Variants in TRDN observed in about 807,000 individuals in gnomAD.
TRDN encodes triadin in skeletal muscle.
Under a neutral mutation model 149.7 loss-of-function variants are expected in TRDN, and 161 were observed. The ratio of observed to expected loss-of-function variants is 1.08; its 90% confidence interval spans 0.95 to 1.23. The LOEUF is 1.23. Among genes scored for constraint, TRDN ranks in the 50% most tolerant of loss-of-function variants. The probability of loss-of-function intolerance (pLI) is 0.00; values close to 1 mark genes in which losing one functional copy is unlikely to be tolerated. For missense variants in TRDN, 896 were observed against 823.5 expected (o/e 1.09, Z -1.08); for synonymous variants, 294 against 250.5 (o/e 1.17, Z -1.64).
At chr6:123,248,451 A>T (rs937841633) in intron 38 of TRDN, among the ~76,000 whole-genome samples, 5 of 151,904 alleles carry the variant, frequency 3.3e-5, no homozygotes, top group African/African-American at 9.7e-5. Flanking sequence ...CAGCTACTCC[A>T]GAGGCTGAGG....
intron 24 of TRDN, among the ~76,000 whole-genome samples, chr6:123,313,523 G>T (rs1350851742): frequency 6.6e-6 from 1 of 151,656 alleles, no homozygotes; most frequent in African/African-American, 2.4e-5. Context: ...CTTTCCATAG[G>T]GCTTCTGTAG....
At chr6:123,393,836 G>A (rs1772608913) in intron 12 of TRDN, among the ~76,000 whole-genome samples, 159 bp from the exon 13 acceptor site, 1 of 152,122 alleles carries the variant, frequency 6.6e-6, no homozygotes, top group Non-Finnish European at 1.5e-5. Flanking sequence ...AGGAATTGCT[G>A]AGAATGGAGC....
intron 1 of TRDN, among the ~76,000 whole-genome samples, chr6:123,575,636 TCAGA>T (rs1286468973): frequency 6.6e-6 from 1 of 152,070 alleles, no homozygotes; most frequent in Non-Finnish European, 1.5e-5. Flanking sequence ...ATTTTGATTG[TCAGA>T]CAGAATCAGC....
At chr6:123,573,726 A>C (rs934168418) in intron 1 of TRDN, among the ~76,000 whole-genome samples, 3 of 152,080 alleles carry the variant, frequency 2.0e-5, no homozygotes, top group African/African-American at 7.2e-5. Flanking sequence ...TAGCAAAATT[A>C]GAAAAGATGA....
chr6:123,589,144 T>C (rs1783660821), intron 1 of TRDN, among the ~76,000 whole-genome samples: 1 of 152,200 alleles, frequency 6.6e-6, no homozygotes, highest in Admixed American at 6.5e-5. Context: ...ATTCCAGGAT[T>C]TGCCCAACTT....
intron 12 of TRDN, among the ~76,000 whole-genome samples, chr6:123,398,833 G>T (rs1772842600): frequency 6.6e-6 from 1 of 152,156 alleles, no homozygotes; most frequent in Non-Finnish European, 1.5e-5. Flanking sequence ...TGCAAAAGGT[G>T]CACAATGCAG....
intron 13 of TRDN, among the ~76,000 whole-genome samples, chr6:123,393,235 C>T (rs1159346742): frequency 1.3e-5 from 2 of 152,056 alleles, no homozygotes; most frequent in Admixed American, 6.6e-5. Flanking sequence ...GCTTTAATAA[C>T]ATTCTGATCT....
chr6:123,521,857 A>G (rs140881158), intron 5 of TRDN, among the ~76,000 whole-genome samples: 1 of 152,106 alleles, frequency 6.6e-6, no homozygotes, highest in Non-Finnish European at 1.5e-5. Flanking sequence ...CCTCGAGGAC[A>G]TCTCTGTGAA....
chr6:123,464,273 T>C, intron 10 of TRDN: 1 of 985,068 alleles, frequency 1.0e-6, no homozygotes, highest in Non-Finnish European at 1.2e-6. Flanking sequence ...CAAAATTTAT[T>C]ACAAAGCTGA....
chr6:123,444,161 G>A (rs1775132750), intron 10 of TRDN, among the ~76,000 whole-genome samples: 1 of 143,326 alleles, frequency 7.0e-6, no homozygotes, highest in Non-Finnish European at 1.5e-5. Flanking sequence ...AGCATGGAAT[G>A]TTCTTCCATT....
intron 12 of TRDN, among the ~76,000 whole-genome samples, chr6:123,435,328 G>A (rs1774509530): frequency 6.6e-6 from 1 of 151,858 alleles, no homozygotes; most frequent in South Asian, 2.1e-4. Flanking sequence ...AAGATTTCAG[G>A]TTATTCTCAA....
chr6:123,295,718 C>A (rs573732377), intron 24 of TRDN, among the ~76,000 whole-genome samples: 1 of 152,136 alleles, frequency 6.6e-6, no homozygotes, highest in Non-Finnish European at 1.5e-5. Flanking sequence ...AATCCCAGCA[C>A]TTTGGAAGAC....
At chr6:123,480,368 A>G (rs1048924882) in intron 9 of TRDN, among the ~76,000 whole-genome samples, 3 of 152,018 alleles carry the variant, frequency 2.0e-5, no homozygotes, top group Non-Finnish European at 2.9e-5. Flanking sequence ...CTCACATGTT[A>G]ACATACTGAC....
chr6:123,417,911 G>C (rs1467890683), intron 12 of TRDN, among the ~76,000 whole-genome samples: 1 of 152,116 alleles, frequency 6.6e-6, no homozygotes, highest in African/African-American at 2.4e-5. Flanking sequence ...AGCTGCTTTT[G>C]TTAAGCAAAG....
At chr6:123,237,648 G>A (rs1306584179) in intron 38 of TRDN, among the ~76,000 whole-genome samples, 1 of 152,042 alleles carries the variant, frequency 6.6e-6, no homozygotes, top group Non-Finnish European at 1.5e-5. Flanking sequence ...GGGTGGTTTT[G>A]TTTTTTCCTT....
intron 29 of TRDN, 76 bp from the exon 30 acceptor site, chr6:123,271,262 A>T (rs896513087): frequency 9.2e-7 from 1 of 1,088,232 alleles, no homozygotes; most frequent in African/African-American, 1.6e-5. Context: ...TGATTTTTGT[A>T]TTCTTTTGAA....
chr6:123,471,012 A>G (rs566957073), intron 9 of TRDN: 1 of 152,300 alleles, frequency 6.6e-6, no homozygotes, highest in South Asian at 2.1e-4. Flanking sequence ...ATAGCAACTA[A>G]ATAAGTTAAA....
chr6:123,220,304 G>A (rs1335199632), intron 40 of TRDN, among the ~76,000 whole-genome samples: 9 of 151,692 alleles, frequency 5.9e-5, no homozygotes, highest in Admixed American at 2.0e-4. Context: ...ATTCCAACTA[G>A]GAAACTGGTA....
rs373728051 is a variant in TRDN at position 123,427,042 on chromosome 6, G to A, written c.1051+11021C>T. ...GTCTTTGGGGTTTTTCTACTGAGAT[G>A]TCTCAAGATATTTCTTTGCCCTGAG... On this transcript the variant is annotated intron_variant, in intron 12 of 40. Transcript: ENST00000334268. Among the ~76,000 whole-genome samples, 9 of 151,902 alleles carry A rather than the reference G, an allele frequency of 5.9e-5. No homozygotes were observed. The South Asian group carries it at 1.9e-3, about 31-fold the overall frequency.
Sources: allele counts gnomAD v4.1 joint callset (sites outside exome capture counted in the v4.1 genomes callset), GRCh38; gene constraint gnomAD v4.1.1; transcripts MANE v1.5; gene names NCBI Gene and HGNC (gene_info 2026-07-23, HGNC 2026-07-21).